Variants in ITGAX observed in about 807,000 individuals in gnomAD.
ITGAX encodes the protein integrin subunit alpha X.
In ITGAX, 99 loss-of-function variants were observed where a neutral mutation model predicts 140.2. The observed-to-expected ratio is 0.71, with a 90% CI of 0.60 to 0.83. The LOEUF is 0.83. Among genes scored for constraint, ITGAX ranks in the 40% least tolerant of loss-of-function variants. ITGAX has a pLI of 0.00. For missense variants in ITGAX, 1,444 were observed against 1,482.0 expected (o/e 0.97, Z 0.42); for synonymous variants, 631 against 600.4 (o/e 1.05, Z -0.75).
chr16:31,382,194 C>T lies in ITGAX; in HGVS notation c.*287C>T. On this transcript the variant is annotated 3_prime_UTR_variant, in exon 30 of 30. Coordinates refer to ENST00000268296, the MANE Select transcript of ITGAX (RefSeq NM_000887.5). ...ATACCCCCAGGCCTCAGTCTCCCTTCTCCCATGAGGCACGAATGATCTTTC... is the reference window on the plus strand; with the variant it reads ...ATACCCCCAGGCCTCAGTCTCCCTTTTCCCATGAGGCACGAATGATCTTTC... 7.2e-7 allele frequency: 1 copy of T among 1,398,120 alleles called. No homozygotes were observed. The highest frequency in any genetic ancestry group is 9.3e-7 in the Non-Finnish European group (1 of 1,078,718). 86.6% of individuals were successfully genotyped at this position (1,398,120 alleles called of 1,614,324 possible).
rs116881847 is a variant in ITGAX at position 31,355,308 on chromosome 16, A to G, written c.37+17A>G. ...TGTTCACAGGTGAGCCTGGACCCCAATGAAGTAGGGCTGGGGACCCAGGCC... is the reference window on the plus strand; with the variant it reads ...TGTTCACAGGTGAGCCTGGACCCCAGTGAAGTAGGGCTGGGGACCCAGGCC... On this transcript the variant is annotated intron_variant, in intron 1 of 29. Coordinates refer to ENST00000268296, the MANE Select transcript of ITGAX (RefSeq NM_000887.5). The G allele has an allele frequency of 1.1e-3, 1,709 of 1,613,314 alleles. 18 individuals are homozygous for G. In the East Asian group the frequency reaches 0.023, roughly 21 times the overall value.
chr16:31,367,757 C>A (rs1567301420), intron 14 of ITGAX, among the ~76,000 whole-genome samples: 1 of 152,182 alleles, frequency 6.6e-6, no homozygotes, highest in Non-Finnish European at 1.5e-5. Context: ...ATTCTGCAGT[C>A]CATGGACCAA....
chr16:31,381,035 C>A (rs756401256), intron 29 of ITGAX, 28 bp downstream of exon 29: 2 of 1,549,500 alleles, frequency 1.3e-6, no homozygotes, highest in Non-Finnish European at 8.9e-7. Flanking sequence ...CTCTTGACAC[C>A]ACCAGCATCT....
chr16:31,377,282 CTGCAGG>C lies in ITGAX; in HGVS notation c.2789+18_2789+23del. ...GGTTAGCAGGTCAGCAGGTACCCCACTGCAGGAAAAAGGGTTCTTCTCTCTGACCTC... is the reference window on the plus strand; with the variant it reads ...GGTTAGCAGGTCAGCAGGTACCCCACAAAAAGGGTTCTTCTCTCTGACCTC... On this transcript the variant is annotated intron_variant, in intron 23 of 29. Coordinates refer to ENST00000268296, the MANE Select transcript of ITGAX (RefSeq NM_000887.5). The C allele has an allele frequency of 6.3e-7, 1 of 1,579,586 alleles. No homozygotes were observed. Among genetic ancestry groups the C allele is most frequent in the Non-Finnish European group, 8.6e-7 (1 of 1,161,240 alleles).
At chr16:31,362,297 C>G (rs1262692127) in intron 11 of ITGAX, 93 bp downstream of exon 11, 5 of 1,555,504 alleles carry the variant, frequency 3.2e-6, no homozygotes, top group Non-Finnish European at 4.4e-6. Context: ...GGCTGTGCTG[C>G]CCAGGGTGGG....
At chr16:31,360,716 A>G (rs1259109573) in intron 8 of ITGAX, 7 of 525,874 alleles carry the variant, frequency 1.3e-5, no homozygotes, top group Admixed American at 1.1e-4. Flanking sequence ...GGGTCTTGCT[A>G]TGTTGCCCAG....
In ITGAX at chr16:31,362,214, A is replaced by G. The variant is rs779503013; in HGVS notation, c.1216+10A>G. The G allele has an allele frequency of 6.2e-7, 1 of 1,612,800 alleles. No homozygotes were observed. Among genetic ancestry groups the G allele is most frequent in the Non-Finnish European group, 8.5e-7 (1 of 1,179,394 alleles). Reference sequence around the variant, plus strand: ...AGGGACTCTTACCTGGGTGAGAAACAGCCAGGGGTTGGGGACAGGTGGGAG... The same window carrying G: ...AGGGACTCTTACCTGGGTGAGAAACGGCCAGGGGTTGGGGACAGGTGGGAG... On this transcript the variant is annotated intron_variant, in intron 11 of 29. Transcript: ENST00000268296.
At chr16:31,381,752 T>G (rs752817942) in intron 29 of ITGAX, 51 bp from the exon 30 acceptor site, 2 of 861,522 alleles carry the variant, frequency 2.3e-6, no homozygotes, top group Non-Finnish European at 4.0e-6. Context: ...TCTCTTTTCC[T>G]CTCTTCCACT....
intron 8 of ITGAX, 173 bp from the exon 9 acceptor site, chr16:31,360,890 A>C (rs1344576919): frequency 3.2e-6 from 2 of 617,676 alleles, no homozygotes; most frequent in South Asian, 2.0e-5. Flanking sequence ...CCCAGACTGG[A>C]GACCATGATC....
In ITGAX at chr16:31,376,928, T is replaced by G. The variant is rs2081024793; in HGVS notation, c.2625+13T>G. Reference sequence around the variant, plus strand: ...TGGCGGCGCCCAGGTCAGCCTGGCTTCTGTCCCCTCACTGCTCCCCTGCCC... The same window carrying G: ...TGGCGGCGCCCAGGTCAGCCTGGCTGCTGTCCCCTCACTGCTCCCCTGCCC... On this transcript the variant is annotated intron_variant, in intron 21 of 29. Coordinates refer to ENST00000268296, the MANE Select transcript of ITGAX (RefSeq NM_000887.5). 1 of 1,613,944 alleles carries G rather than the reference T, an allele frequency of 6.2e-7. No homozygotes were observed. The highest frequency in any genetic ancestry group is 1.3e-5 in the African/African-American group (1 of 74,918).
chr16:31,373,378 G>A lies in ITGAX; in HGVS notation c.2496G>A (p.Val832=), dbSNP rs770781987. 4 of 1,611,324 alleles carry A rather than the reference G, an allele frequency of 2.5e-6. No individual in the cohort carries two copies. Among genetic ancestry groups the A allele is most frequent in the Non-Finnish European group, 3.4e-6 (4 of 1,179,096 alleles). The part of the protein sequence containing the change: ...SHPAGLSYRY[V]AEGQKQGQLR... ...CCGCAGGACTGTCCTACCGCTACGT[G>A]GCAGAGGGCCAGGTGCACCCTCTGG... The change falls in exon 20 of 30, where the codon GTG becomes GTA. Residue 832 remains valine (V), a synonymous_variant. Coordinates refer to ENST00000268296, the MANE Select transcript of ITGAX (RefSeq NM_000887.5).
rs2080977699 is a variant in ITGAX at position 31,372,461 on chromosome 16, C to T, written c.2244C>T (p.Asn748=). Residue 748 remains asparagine (N), a synonymous_variant, in exon 18 of 30, where the codon AAC becomes AAT. Transcript: ENST00000268296. ...LVGKPLLAFR[N]LRPMLAADAQ... ...GCAAGCCCCTCCTTGCCTTCAGAAA[C>T]CTGCGGCCTATGCTGGCCGCCGATG... 2.5e-6 allele frequency: 4 copies of T among 1,607,518 alleles called. No homozygotes were observed. The East Asian group carries it at 8.9e-5, about 36-fold the overall frequency.
intron 28 of ITGAX, 73 bp downstream of exon 28, chr16:31,380,697 G>C: frequency 6.3e-7 from 1 of 1,583,304 alleles, no homozygotes; most frequent in Non-Finnish European, 8.7e-7. Context: ...GTGCTGGGTG[G>C]GGGGTTTGCA....
At chr16:31,375,309 C>T (rs1054503369) in intron 20 of ITGAX, among the ~76,000 whole-genome samples, 9 of 152,276 alleles carry the variant, frequency 5.9e-5, no homozygotes, top group Admixed American at 1.3e-4. Context: ...AGCCACGGAG[C>T]CTAGCCCAGG....
chr16:31,363,362 C>G lies in ITGAX; in HGVS notation c.1698C>G (p.Pro566=). The G allele has an allele frequency of 6.2e-7, 1 of 1,613,642 alleles. No individual in the cohort carries two copies. The highest frequency in any genetic ancestry group is 8.5e-7 in the Non-Finnish European group (1 of 1,179,688). Residue 566 remains proline (P), a synonymous_variant, in exon 14 of 30, where the codon CCC becomes CCG. Coordinates refer to ENST00000268296, the MANE Select transcript of ITGAX (RefSeq NM_000887.5). ...FHGVLGPSIS[P]SHSQRIAGSQ... ...GAGTCTTGGGACCCAGCATCAGCCCCTCCCACAGCCAGGTGAGGCCGTGTC... is the reference window on the plus strand; with the variant it reads ...GAGTCTTGGGACCCAGCATCAGCCCGTCCCACAGCCAGGTGAGGCCGTGTC...
At chr16:31,356,089 C>T in intron 2 of ITGAX, 91 bp downstream of exon 2, 1 of 878,344 alleles carries the variant, frequency 1.1e-6, no homozygotes, top group Non-Finnish European at 1.8e-6. Flanking sequence ...TATTTGCAAA[C>T]TCTCCTCTCT....
intron 20 of ITGAX, among the ~76,000 whole-genome samples, chr16:31,374,905 G>A (rs2081005618): frequency 6.6e-6 from 1 of 152,276 alleles, no homozygotes; most frequent in Non-Finnish European, 1.5e-5. Flanking sequence ...ATTAGGTTAT[G>A]AGGGCTTTGC....
Position 31,371,099 on chromosome 16 carries a change from C to G in ITGAX, c.1726C>G (p.Gln576Glu), listed in dbSNP as rs764858604. 2.5e-6 allele frequency: 4 copies of G among 1,614,106 alleles called. No individual in the cohort carries two copies. In the South Asian group the frequency reaches 4.4e-5, roughly 18 times the overall value. The change falls in exon 15 of 30, where the codon CAG becomes GAG. Residue 576 changes from glutamine (Q) to glutamate (E), a missense_variant. By Grantham distance (29) the Gln-to-Glu change is conservative. Coordinates refer to ENST00000268296, the MANE Select transcript of ITGAX (RefSeq NM_000887.5). Reference sequence around the variant, plus strand: ...CTCTGGCCAGCGGATCGCGGGCTCCCAGCTCTCCTCCAGGCTGCAGTATTT... The same window carrying G: ...CTCTGGCCAGCGGATCGCGGGCTCCGAGCTCTCCTCCAGGCTGCAGTATTT... ...PSHSQRIAGS[Q>E]LSSRLQYFGQ...
rs750298689 is a variant in ITGAX, at chr16:31,380,549, G to A, written c.3201G>A (p.Val1067=). Residue 1067 remains valine, a synonymous_variant, in exon 28 of 30, where the codon GTG becomes GTA. Transcript: ENST00000268296. ...RQILQKKVSV[V]SVAEITFDTS... ...TATTGCAGAAGAAGGTGTCGGTCGT[G>A]AGTGTGGCTGAAATTACGTTCGACA... is the stretch of plus-strand genomic sequence containing the variant. The A allele has an allele frequency of 6.2e-6, 10 of 1,614,156 alleles. No individual in the cohort carries two copies. Among genetic ancestry groups the A allele is most frequent in the South Asian group, 3.3e-5 (3 of 91,094 alleles).
Sources: gnomAD v4.1 joint callset for allele counts (sites outside exome capture counted in the v4.1 genomes callset) on GRCh38, gnomAD v4.1.1 for gene constraint, MANE v1.5 for transcripts, NCBI Gene and HGNC (gene_info 2026-07-23, HGNC 2026-07-21) for gene names.